CPNE4: variants seen among roughly 807,000 people sequenced by gnomAD.
The protein encoded by CPNE4 is copine-4.
A neutral mutation model predicts 67.9 loss-of-function variants in CPNE4; 25 were observed. The observed-to-expected ratio is 0.37, with a 90% CI of 0.27 to 0.51. The LOEUF (loss-of-function observed/expected upper bound fraction) is 0.51, where lower values mean the gene tolerates loss of function less well. Ranked by LOEUF, CPNE4 falls within the 20% of genes least tolerant of loss-of-function variation. The probability of loss-of-function intolerance (pLI) is 0.93; values close to 1 mark genes in which losing one functional copy is unlikely to be tolerated. For missense variants in CPNE4, 464 were observed against 690.8 expected, an observed-to-expected ratio of 0.67 and a Z score of 3.68; for synonymous variants, 242 against 244.9, an observed-to-expected ratio of 0.99 and a Z score of 0.11.
intron 4 of CPNE4, among the ~76,000 whole-genome samples, chr3:131,698,847 T>C (rs968515422): frequency 6.8e-6 from 1 of 147,544 alleles, no homozygotes; most frequent in Non-Finnish European, 1.5e-5. Flanking sequence ...GAGGTGGAGG[T>C]TGTAGTGTGC....
chr3:131,729,868 G>A (rs545456646), intron 2 of CPNE4, among the ~76,000 whole-genome samples: 1 of 152,264 alleles, frequency 6.6e-6, no homozygotes, highest in South Asian at 2.1e-4. Flanking sequence ...TAACAACTTG[G>A]GTGGAAGCTG....
At chr3:131,686,514 G>A (rs2080893435) in intron 5 of CPNE4, among the ~76,000 whole-genome samples, 1 of 152,184 alleles carries the variant, frequency 6.6e-6, no homozygotes, top group African/African-American at 2.4e-5. Flanking sequence ...TCTAGCAAGT[G>A]GTTATAAGGG....
intron 7 of CPNE4, among the ~76,000 whole-genome samples, chr3:131,608,758 A>C (rs1177866520): frequency 6.6e-6 from 1 of 152,178 alleles, no homozygotes; most frequent in Non-Finnish European, 1.5e-5. Flanking sequence ...GTAAACACAT[A>C]ATAAGAATCA....
At chr3:131,794,436 G>C (rs1332282401) in intron 2 of CPNE4, among the ~76,000 whole-genome samples, 1 of 151,990 alleles carries the variant, frequency 6.6e-6, no homozygotes, top group East Asian at 1.9e-4. Context: ...GTAGAGATGG[G>C]GTTTCACCAT....
intron 1 of CPNE4, among the ~76,000 whole-genome samples, chr3:131,967,648 T>C (rs960690506): frequency 6.6e-6 from 1 of 151,904 alleles, no homozygotes; most frequent in African/African-American, 2.4e-5. Context: ...ATAAAATACC[T>C]AGGAATACAA....
chr3:131,967,540 T>A (rs1047737798), intron 1 of CPNE4, among the ~76,000 whole-genome samples: 1 of 152,062 alleles, frequency 6.6e-6, no homozygotes, highest in African/African-American at 2.4e-5. Flanking sequence ...GGATACAAAA[T>A]CAGTGAGCAA....
chr3:131,854,787 T>G (rs1460469469), intron 2 of CPNE4, among the ~76,000 whole-genome samples: 3 of 151,654 alleles, frequency 2.0e-5, no homozygotes, highest in Non-Finnish European at 2.9e-5. Context: ...CCTCTTTCAT[T>G]ACTCCCCACC....
intron 2 of CPNE4, among the ~76,000 whole-genome samples, chr3:131,823,552 G>A (rs1373239638): frequency 6.6e-6 from 1 of 152,154 alleles, no homozygotes; most frequent in Non-Finnish European, 1.5e-5. Flanking sequence ...TGAGTGTGCG[G>A]TAATTAAAAA....
intron 1 of CPNE4, among the ~76,000 whole-genome samples, chr3:131,979,436 T>C (rs1373511822): frequency 6.6e-6 from 1 of 152,182 alleles, no homozygotes; most frequent in African/African-American, 2.4e-5. Flanking sequence ...CATTATGTAA[T>C]GTCCCTCTTC....
intron 1 of CPNE4, among the ~76,000 whole-genome samples, chr3:132,016,558 A>C (rs746379723): frequency 1.2e-4 from 18 of 152,146 alleles, no homozygotes; most frequent in Non-Finnish European, 1.6e-4. Context: ...AGTCAGAGGA[A>C]CCCTGAGAGA....
chr3:131,815,472 C>T (rs1386860568), intron 2 of CPNE4, among the ~76,000 whole-genome samples: 4 of 152,210 alleles, frequency 2.6e-5, no homozygotes, highest in Non-Finnish European at 4.4e-5. Flanking sequence ...CAGGCAGATA[C>T]ATCCTCTTGA....
Position 131,704,695 on chromosome 3 carries a change from TTGTCATTTAATGATCATTTATGAAA to T in CPNE4, c.361-4740_361-4716del, listed in dbSNP as rs1393681004. ...AATGCTAATTAGATGAACTCATTTC[TTGTCATTTAATGATCATTTATGAAA>T]TGTCATTTAATGATCATTTCTTGTC... On this transcript the variant is annotated intron_variant, in intron 3 of 15. Coordinates refer to ENST00000429747, the MANE Select transcript of CPNE4 (RefSeq NM_130808.3). Among the ~76,000 whole-genome samples, 8 of 152,318 alleles carry T rather than the reference TTGTCATTTAATGATCATTTATGAAA, an allele frequency of 5.3e-5. No homozygotes were observed. In the South Asian group the frequency reaches 6.2e-4, roughly 12 times the overall value.
intron 1 of CPNE4, among the ~76,000 whole-genome samples, chr3:132,016,043 T>C (rs1415055473): frequency 6.6e-6 from 1 of 151,588 alleles, no homozygotes; most frequent in African/African-American, 2.4e-5. Context: ...TATCAATGAG[T>C]AAGAAAATTG....
intron 2 of CPNE4, among the ~76,000 whole-genome samples, chr3:131,828,938 G>T (rs989785403): frequency 1.1e-4 from 16 of 152,304 alleles, no homozygotes; most frequent in Middle Eastern, 3.4e-3. Flanking sequence ...TCATACTGCT[G>T]ATAAAGACAT....
At chr3:131,582,919 A>G (rs1937933439) in intron 8 of CPNE4, among the ~76,000 whole-genome samples, 1 of 152,190 alleles carries the variant, frequency 6.6e-6, no homozygotes, top group Non-Finnish European at 1.5e-5. Flanking sequence ...CAACCTAGCG[A>G]ATGTTGAGTA....
At chr3:131,722,619 G>A (rs1337859193) in intron 3 of CPNE4, among the ~76,000 whole-genome samples, 1 of 152,022 alleles carries the variant, frequency 6.6e-6, no homozygotes, top group Non-Finnish European at 1.5e-5. Context: ...TAAGGTCTAC[G>A]ACCTTGTATA....
At chr3:131,845,155 A>C (rs1316712574) in intron 2 of CPNE4, among the ~76,000 whole-genome samples, 1 of 152,208 alleles carries the variant, frequency 6.6e-6, no homozygotes. Flanking sequence ...AAAGCCTTAG[A>C]AAAATGATTT....
chr3:131,872,123 C>A (rs533070951), intron 2 of CPNE4, among the ~76,000 whole-genome samples: 1 of 151,770 alleles, frequency 6.6e-6, no homozygotes, highest in Non-Finnish European at 1.5e-5. Flanking sequence ...ATGTATTTGT[C>A]GGGGTTTTCC....
In CPNE4 at chr3:131,960,975, A is replaced by T. The variant is rs2072151119; in HGVS notation, c.-1-55531T>A. On this transcript the variant is annotated intron_variant, in intron 1 of 15. Coordinates refer to ENST00000429747, the MANE Select transcript of CPNE4 (RefSeq NM_130808.3). The stretch of plus-strand genomic sequence containing the variant: ...ATTGGTCTGTTACTATGCAGCAGGC[A>T]TACAAGCTTGGTCCTATAACAATGG... Among the ~76,000 whole-genome samples, 3 of 152,192 alleles carry T rather than the reference A, an allele frequency of 2.0e-5. No homozygotes were observed. The South Asian group carries it at 6.2e-4, about 31-fold the overall frequency.
Sources: allele counts gnomAD v4.1 joint callset (sites outside exome capture counted in the v4.1 genomes callset), GRCh38; gene constraint gnomAD v4.1.1; transcripts MANE v1.5; gene names NCBI Gene and HGNC (gene_info 2026-07-23, HGNC 2026-07-21).